ABI3BP: variants seen among roughly 807,000 people sequenced by gnomAD.
ABI3BP encodes the protein target of Nesh-SH3.
In ABI3BP, 216 loss-of-function variants were observed where a neutral mutation model predicts 268.6. The observed-to-expected ratio is 0.80, with a 90% CI of 0.72 to 0.90. The LOEUF (loss-of-function observed/expected upper bound fraction) is 0.90. Among genes scored for constraint, ABI3BP ranks in the 40% least tolerant of loss-of-function variants. ABI3BP has a pLI of 0.00. For synonymous variants in ABI3BP, 730 were observed against 730.0 expected (o/e 1.00, Z 0.00); for missense variants, 2,090 against 2,182.4 (o/e 0.96, Z 0.84).
chr3:100,836,333 G>A (rs1197562048), intron 27 of ABI3BP, among the ~76,000 whole-genome samples: 1 of 152,068 alleles, frequency 6.6e-6, no homozygotes, highest in Non-Finnish European at 1.5e-5. Context: ...ATCAAGAATT[G>A]TAACTCTCTG....
intron 62 of ABI3BP, among the ~76,000 whole-genome samples, chr3:100,769,227 TTAAATACGAACTTAATTC>T: frequency 6.6e-6 from 1 of 152,350 alleles, no homozygotes; most frequent in Non-Finnish European, 1.5e-5. Context: ...TGAACTATGG[TTAAATACGAACTTAATTC>T]TATTTAGGAA....
intron 2 of ABI3BP, among the ~76,000 whole-genome samples, chr3:100,910,778 A>T (rs984159586): frequency 1.3e-5 from 2 of 152,214 alleles, no homozygotes; most frequent in Non-Finnish European, 2.9e-5. Flanking sequence ...ATGTTTGAAA[A>T]CATACTTTAC....
intron 2 of ABI3BP, among the ~76,000 whole-genome samples, chr3:100,903,148 A>T (rs2051308601): frequency 6.6e-6 from 1 of 152,168 alleles, no homozygotes; most frequent in South Asian, 2.1e-4. Flanking sequence ...GAATATTTAT[A>T]ACGCCCTTCC....
chr3:100,870,746 C>T (rs1292939679), intron 9 of ABI3BP, among the ~76,000 whole-genome samples: 1 of 152,102 alleles, frequency 6.6e-6, no homozygotes, highest in Non-Finnish European at 1.5e-5. Context: ...ACATACAGTC[C>T]CACATTCACT....
intron 1 of ABI3BP, among the ~76,000 whole-genome samples, chr3:100,975,011 A>C (rs1375072473): frequency 6.6e-6 from 1 of 152,190 alleles, no homozygotes; most frequent in Non-Finnish European, 1.5e-5. Flanking sequence ...AAGCTTGATA[A>C]GAAGCTTAGT....
chr3:100,908,123 A>G (rs1249183658), intron 2 of ABI3BP, among the ~76,000 whole-genome samples: 1 of 151,924 alleles, frequency 6.6e-6, no homozygotes, highest in East Asian at 1.9e-4. Context: ...TCTAAAAAAA[A>G]AAAAAAGAAA....
At position 100,751,556 on chromosome 3, in the gene ABI3BP, TTTGA is replaced by T. The variant is rs748221516; in HGVS notation, c.5237_5240del (p.Ile1746LysfsTer18). On this transcript the variant is annotated frameshift_variant, in exon 67 of 68. Coordinates refer to ENST00000471714, the MANE Select transcript of ABI3BP (RefSeq NM_001375547.2). LOFTEE classifies it high-confidence loss of function. ...GAGGAGGATCAGAAAACATACCTTCTTTGATTGGTAACTGGTCAGAAGTGAGTTG... is the reference window on the plus strand; with the variant it reads ...GAGGAGGATCAGAAAACATACCTTCTTTGGTAACTGGTCAGAAGTGAGTTG... 1 of 1,587,778 alleles carries T rather than the reference TTTGA, an allele frequency of 6.3e-7. No individual in the cohort carries two copies. Among genetic ancestry groups the T allele is most frequent in the South Asian group, 1.2e-5 (1 of 86,312 alleles).
At chr3:100,940,435 C>T (rs758856904) in intron 1 of ABI3BP, among the ~76,000 whole-genome samples, 1 of 151,926 alleles carries the variant, frequency 6.6e-6, no homozygotes, top group Non-Finnish European at 1.5e-5. Context: ...CCTGACTTCC[C>T]GCAACAGTCA....
At position 100,828,408 on chromosome 3, in the gene ABI3BP, G is replaced by T. The variant is rs1388115837; in HGVS notation, c.2587C>A (p.Pro863Thr). 6.5e-7 allele frequency: 1 copy of T among 1,535,192 alleles called. No homozygotes were observed. The highest frequency in any genetic ancestry group is 8.7e-7 in the Non-Finnish European group (1 of 1,146,362). Residue 863 changes from proline (P) to threonine (T), a missense_variant, in exon 34 of 68, where the codon CCA (proline) becomes ACA (threonine). Coordinates refer to ENST00000471714, the MANE Select transcript of ABI3BP (RefSeq NM_001375547.2). Reference protein sequence around the residue: ...FEPVSPIKEAPGTTFVPVTDL... With the variant: ...FEPVSPIKEATGTTFVPVTDL... Reference sequence around the variant, plus strand: ...GTGGCATTACCGAATGTTGTCCCTGGAGCCTCTTTTATAGGAGAAACTGGT... The same window carrying T: ...GTGGCATTACCGAATGTTGTCCCTGTAGCCTCTTTTATAGGAGAAACTGGT...
intron 1 of ABI3BP, among the ~76,000 whole-genome samples, chr3:100,991,192 C>G (rs117624994): frequency 6.6e-6 from 1 of 152,136 alleles, no homozygotes; most frequent in Non-Finnish European, 1.5e-5. Context: ...ACTAAGTGAT[C>G]ATGAATATCT....
At chr3:100,981,545 G>A (rs559381549) in intron 1 of ABI3BP, among the ~76,000 whole-genome samples, 5 of 152,348 alleles carry the variant, frequency 3.3e-5, no homozygotes, top group African/African-American at 1.2e-4. Flanking sequence ...CAGACAGACT[G>A]CAGCAGGCAT....
chr3:100,987,450 A>G (rs1562327059), intron 1 of ABI3BP, among the ~76,000 whole-genome samples: 1 of 152,248 alleles, frequency 6.6e-6, no homozygotes, highest in Non-Finnish European at 1.5e-5. Context: ...GCAGTCTATA[A>G]AACTAAACTA....
chr3:100,862,650 G>A, intron 13 of ABI3BP, 188 bp downstream of exon 13: 1 of 598,710 alleles, frequency 1.7e-6, no homozygotes, highest in South Asian at 2.3e-5. Context: ...GTGGAATTAA[G>A]ACTGATGGGT....
intron 18 of ABI3BP, 113 bp downstream of exon 18, chr3:100,848,688 A>T (rs1263677795): frequency 2.0e-6 from 2 of 1,025,570 alleles, no homozygotes; most frequent in South Asian, 2.7e-5. Context: ...TGGCCTCCCA[A>T]AGTGCTGGAG....
chr3:100,821,961 T>C (rs1275735800), intron 38 of ABI3BP, among the ~76,000 whole-genome samples: 1 of 152,064 alleles, frequency 6.6e-6, no homozygotes, highest in Non-Finnish European at 1.5e-5. Flanking sequence ...GGTCTCTACT[T>C]GTGTCTTTTC....
At chr3:100,982,296 C>T (rs1576344783) in intron 1 of ABI3BP, among the ~76,000 whole-genome samples, 1 of 151,980 alleles carries the variant, frequency 6.6e-6, no homozygotes, top group African/African-American at 2.4e-5. Context: ...ACTATATTGG[C>T]AGGTAAAGAG....
intron 3 of ABI3BP, among the ~76,000 whole-genome samples, chr3:100,899,493 T>C (rs928301875): frequency 6.6e-6 from 1 of 152,204 alleles, no homozygotes; most frequent in East Asian, 1.9e-4. Context: ...TTAACAATGA[T>C]GGAAGAGTAG....
intron 9 of ABI3BP, among the ~76,000 whole-genome samples, chr3:100,873,012 A>G (rs1382532007): frequency 6.6e-6 from 1 of 152,200 alleles, no homozygotes; most frequent in East Asian, 1.9e-4. Flanking sequence ...TTGTAAGTCT[A>G]ATAGTCCCCA....
chr3:100,991,656 A>T (rs2092936939), intron 1 of ABI3BP, among the ~76,000 whole-genome samples: 1 of 152,230 alleles, frequency 6.6e-6, no homozygotes, highest in East Asian at 1.9e-4. Context: ...TAATATTAAA[A>T]ACAAGACTTG....
Sources: gnomAD v4.1 joint callset for allele counts (sites outside exome capture counted in the v4.1 genomes callset) on GRCh38, gnomAD v4.1.1 for gene constraint, MANE v1.5 for transcripts, NCBI Gene and HGNC (gene_info 2026-07-23, HGNC 2026-07-21) for gene names.